Variants in CDK5RAP1 observed in about 807,000 individuals in gnomAD.
The protein encoded by CDK5RAP1 is CDK5RAP1 mitochondrial tRNA methylthiotransferase.
In CDK5RAP1, 62 loss-of-function variants were observed where a neutral mutation model predicts 64.5. The ratio of observed to expected loss-of-function variants is 0.96; its 90% CI spans 0.78 to 1.19. The LOEUF (loss-of-function observed/expected upper bound fraction) is 1.19, where lower values mean the gene tolerates loss of function less well. Among genes scored for constraint, CDK5RAP1 ranks in the 50% most tolerant of loss-of-function variants. The pLI is 0.00. For synonymous variants in CDK5RAP1, 250 were observed against 261.9 expected (o/e 0.95, Z 0.44); for missense variants, 657 against 735.0 (o/e 0.89, Z 1.23).
At chr20:33,393,789 C>A (rs1439789226) in intron 4 of CDK5RAP1, among the ~76,000 whole-genome samples, 1 of 152,192 alleles carries the variant, frequency 6.6e-6, no homozygotes. Context: ...ACCAACCACA[C>A]AGGGTTGTTG....
At chr20:33,393,210 C>T (rs990934194) in intron 4 of CDK5RAP1, among the ~76,000 whole-genome samples, 1 of 151,964 alleles carries the variant, frequency 6.6e-6, no homozygotes, top group African/African-American at 2.4e-5. Context: ...TTTGTAGATA[C>T]AGGGCTTTAC....
chr20:33,362,267 A>G (rs1374980530), intron 12 of CDK5RAP1, among the ~76,000 whole-genome samples: 3 of 152,206 alleles, frequency 2.0e-5, no homozygotes, highest in Admixed American at 6.5e-5. Context: ...CAAAATCTTA[A>G]AAGCAGCCAA....
At position 33,365,564 on chromosome 20, in the gene CDK5RAP1, G is replaced by A. The variant is rs1160307436; in HGVS notation, c.1542+1295C>T. Among the ~76,000 whole-genome samples the A allele has an allele frequency of 1.2e-4, 16 of 136,402 alleles. No individual in the cohort carries two copies. In the East Asian group the frequency reaches 2.2e-3, roughly 19 times the overall value. 89.5% of individuals were successfully genotyped at this position (136,402 alleles called of 152,430 possible). A position where few individuals can be genotyped will look rare whatever the true frequency, so the allele number is the denominator to read the frequency against. The stretch of plus-strand genomic sequence containing the variant: ...TGGGATTACAGGCACAAGCCACTGC[G>A]CCCAGCCTCTATGTTTAAAATTCTC... On this transcript the variant is annotated intron_variant, in intron 12 of 13. Transcript: ENST00000346416.
chr20:33,375,114 TAA>T (rs1476928140), intron 8 of CDK5RAP1, among the ~76,000 whole-genome samples: 1 of 150,154 alleles, frequency 6.7e-6, no homozygotes, highest in African/African-American at 2.5e-5. Context: ...CAAGAATACA[TAA>T]AGAGGCTGGG....
At chr20:33,372,935 C>CA (rs1985320336) in intron 9 of CDK5RAP1, 1 of 280,340 alleles carries the variant, frequency 3.6e-6, no homozygotes, top group South Asian at 6.5e-5. Context: ...TTTTTTGAGA[C>CA]AGAGTCTCGC....
At chr20:33,396,704 G>T in intron 2 of CDK5RAP1, 57 bp downstream of exon 2, 1 of 1,267,844 alleles carries the variant, frequency 7.9e-7, no homozygotes, top group Non-Finnish European at 1.1e-6. Flanking sequence ...ATCATGCCAG[G>T]AATGACAGAG....
chr20:33,370,663 C>G lies in CDK5RAP1; in HGVS notation c.1262-34G>C, dbSNP rs149014886. 315 of 1,613,040 alleles carry G rather than the reference C, an allele frequency of 2.0e-4. 1 individual carries two copies. The African/African-American group carries it at 3.7e-3, about 19-fold the overall frequency. On this transcript the variant is annotated intron_variant, in intron 10 of 13. Transcript: ENST00000346416. ...CACAGCAAAGGATGACAGGTGACTGCCTGCTGTTTACCTTCAAGGGAGGCC... is the reference window on the plus strand; with the variant it reads ...CACAGCAAAGGATGACAGGTGACTGGCTGCTGTTTACCTTCAAGGGAGGCC...
Position 33,379,455 on chromosome 20 carries a change from G to A in CDK5RAP1, c.1107+6C>T, listed in dbSNP as rs373001392. ...ATCAGTTTGTCACAGCTAACCTGAC[G>A]CTCACCTCATCAGGAAAATCCTTGG... On this transcript the variant is annotated splice_donor_region_variant and intron_variant, in intron 8 of 13. Coordinates refer to ENST00000346416, the MANE Select transcript of CDK5RAP1 (RefSeq NM_016408.4). 227 of 1,593,156 alleles carry A rather than the reference G, an allele frequency of 1.4e-4. 1 individual carries two copies. The highest frequency in any genetic ancestry group is 7.8e-4 in the South Asian group (71 of 90,660).
rs1487136778 is a variant in CDK5RAP1, at chr20:33,372,678, C to G, written c.1225G>C (p.Val409Leu). The stretch of plus-strand genomic sequence containing the variant: ...TCTCTAATATGGTGAACTAACTCCA[C>G]ATAAGCTTCTCTTGAATATCTGCAA... ...MRRGYSREAY[V>L]ELVHHIRESI... Residue 409 changes from valine (V) to leucine (L), a missense_variant, in exon 10 of 14, where the codon GTG becomes CTG. By Grantham distance (32) the Val-to-Leu change is conservative. Coordinates refer to ENST00000346416, the MANE Select transcript of CDK5RAP1 (RefSeq NM_016408.4). 6.3e-7 allele frequency: 1 copy of G among 1,582,906 alleles called. No homozygotes were observed. The highest frequency in any genetic ancestry group is 8.6e-7 in the Non-Finnish European group (1 of 1,166,952).
intron 5 of CDK5RAP1, among the ~76,000 whole-genome samples, chr20:33,388,895 G>C (rs962741161): frequency 6.6e-6 from 1 of 152,118 alleles, no homozygotes; most frequent in Non-Finnish European, 1.5e-5. Flanking sequence ...CTGAGGTGCC[G>C]GGATTGCAGA....
chr20:33,399,387 G>T (rs1989185165), intron 1 of CDK5RAP1, among the ~76,000 whole-genome samples: 1 of 152,068 alleles, frequency 6.6e-6, no homozygotes, highest in African/African-American at 2.4e-5. Flanking sequence ...AGCCTGCTCT[G>T]GCCATCACCC....
At chr20:33,363,424 T>C (rs1470897357) in intron 12 of CDK5RAP1, among the ~76,000 whole-genome samples, 1 of 152,186 alleles carries the variant, frequency 6.6e-6, no homozygotes, top group Non-Finnish European at 1.5e-5. Context: ...ATAGTTGTAC[T>C]ACAGTTATCT....
At chr20:33,394,777 C>T (rs915883936) in intron 3 of CDK5RAP1, among the ~76,000 whole-genome samples, 1 of 152,202 alleles carries the variant, frequency 6.6e-6, no homozygotes, top group Non-Finnish European at 1.5e-5. Context: ...AACTCTCCAA[C>T]TTCCCTCTCC....
intron 3 of CDK5RAP1, 53 bp from the exon 4 acceptor site, chr20:33,394,119 G>GC: frequency 8.2e-7 from 1 of 1,216,900 alleles, no homozygotes; most frequent in Non-Finnish European, 1.2e-6. Flanking sequence ...TTGGATATTA[G>GC]CCTTGTACAA....
chr20:33,373,916 G>C (rs1284229242), intron 9 of CDK5RAP1, 199 bp downstream of exon 9: 1 of 564,132 alleles, frequency 1.8e-6, no homozygotes, highest in East Asian at 2.9e-5. Flanking sequence ...AGTGAAAATG[G>C]GTGACCAGTC....
chr20:33,387,042 T>A (rs1040024831), intron 6 of CDK5RAP1, among the ~76,000 whole-genome samples: 8 of 151,722 alleles, frequency 5.3e-5, no homozygotes, highest in Admixed American at 4.6e-4. Flanking sequence ...GGTGGGAGGA[T>A]CACCCAAGCT....
At chr20:33,381,301 A>T (rs997847541) in intron 7 of CDK5RAP1, among the ~76,000 whole-genome samples, 1 of 152,214 alleles carries the variant, frequency 6.6e-6, no homozygotes, top group Non-Finnish European at 1.5e-5. Context: ...TCTTAAAAAC[A>T]AGGGCATTCT....
At position 33,396,876 on chromosome 20, in the gene CDK5RAP1, C is replaced by A. The variant is rs995701256; in HGVS notation, c.189G>T (p.Pro63=). The change falls in exon 2 of 14, where the codon CCG becomes CCT. Residue 63 remains proline, a synonymous_variant. Transcript: ENST00000346416. ...KDFSSRLAAG[P]TFQHFLKSAS... is the part of the protein sequence containing the mutation. The stretch of plus-strand genomic sequence containing the variant: ...CACTTTTTAAAAAATGTTGAAAAGT[C>A]GGTCCAGCAGCCAGCCTGGAGCTGA... The A allele has an allele frequency of 1.2e-6, 2 of 1,614,098 alleles. No homozygotes were observed. Among genetic ancestry groups the A allele is most frequent in the East Asian group, 4.5e-5 (2 of 44,882 alleles).
At chr20:33,360,799 G>A (rs557551038) in intron 12 of CDK5RAP1, among the ~76,000 whole-genome samples, 7 of 152,296 alleles carry the variant, frequency 4.6e-5, no homozygotes, top group African/African-American at 1.2e-4. Context: ...ACTTATGAGC[G>A]ATGCATTTGG....
Sources: gnomAD v4.1 joint callset for allele counts (sites outside exome capture counted in the v4.1 genomes callset) on GRCh38, gnomAD v4.1.1 for gene constraint, MANE v1.5 for transcripts, NCBI Gene and HGNC (gene_info 2026-07-23, HGNC 2026-07-21) for gene names.